The following AGBL4 variants were observed in gnomAD, a reference collection of about 807,000 sequenced individuals.
The protein encoded by AGBL4 is cytosolic carboxypeptidase 6.
In AGBL4, 58 loss-of-function variants were observed where a neutral mutation model predicts 66.4. The observed-to-expected ratio is 0.87, with a 90% CI of 0.71 to 1.09. The LOEUF (loss-of-function observed/expected upper bound fraction) is 1.09, where lower values mean the gene tolerates loss of function less well. Among genes scored for constraint, AGBL4 ranks in the 50% least tolerant of loss-of-function variants. The pLI is 0.00. For synonymous variants in AGBL4, 234 were observed against 222.9 expected, an observed-to-expected ratio of 1.05 and a Z score of -0.44; for missense variants, 579 against 631.0, an observed-to-expected ratio of 0.92 and a Z score of 0.88.
intron 8 of AGBL4, among the ~76,000 whole-genome samples, chr1:48,651,768 T>C (rs965246859): frequency 6.6e-6 from 1 of 152,186 alleles, no homozygotes; most frequent in Non-Finnish European, 1.5e-5. Context: ...ACCAACTCTG[T>C]GTAAAACAAG....
chr1:49,131,261 A>G (rs1645889352), intron 4 of AGBL4, among the ~76,000 whole-genome samples: 2 of 152,138 alleles, frequency 1.3e-5, no homozygotes, highest in Non-Finnish European at 2.9e-5. Flanking sequence ...GACAGAAAAA[A>G]GGCACAAAAG....
At chr1:48,570,853 C>A (rs564578985) in intron 11 of AGBL4, among the ~76,000 whole-genome samples, 3 of 152,252 alleles carry the variant, frequency 2.0e-5, no homozygotes, top group East Asian at 3.9e-4. Context: ...TACAGTCACA[C>A]TTTCTTATGA....
chr1:49,595,825 G>A (rs1252898577), intron 3 of AGBL4, among the ~76,000 whole-genome samples: 1 of 152,110 alleles, frequency 6.6e-6, no homozygotes, highest in Non-Finnish European at 1.5e-5. Flanking sequence ...TCTGTAACAT[G>A]TCACAGTCCT....
intron 3 of AGBL4, among the ~76,000 whole-genome samples, chr1:49,478,077 A>C (rs1646881689): frequency 6.6e-6 from 1 of 151,858 alleles, no homozygotes; most frequent in Admixed American, 6.6e-5. Context: ...GATTTAGAAA[A>C]TATCTTTAAA....
intron 3 of AGBL4, among the ~76,000 whole-genome samples, chr1:49,549,726 CA>C (rs1372839772): frequency 6.6e-6 from 1 of 152,106 alleles, no homozygotes; most frequent in African/African-American, 2.4e-5. Context: ...GAGAAAGTTC[CA>C]TGCACTGTAG....
chr1:49,843,950 T>C (rs1646069418), intron 2 of AGBL4, among the ~76,000 whole-genome samples: 1 of 151,948 alleles, frequency 6.6e-6, no homozygotes, highest in Non-Finnish European at 1.5e-5. Flanking sequence ...AGGAGTGCAT[T>C]TGTTCATTCA....
chr1:49,681,113 G>T (rs534800027), intron 3 of AGBL4, among the ~76,000 whole-genome samples: 1 of 151,934 alleles, frequency 6.6e-6, no homozygotes, highest in East Asian at 1.9e-4. Flanking sequence ...TTTTGCATTT[G>T]TTTTAAATGT....
chr1:49,158,586 C>A (rs941081162), intron 4 of AGBL4, among the ~76,000 whole-genome samples: 3 of 151,932 alleles, frequency 2.0e-5, no homozygotes, highest in African/African-American at 7.3e-5. Context: ...ATTATTTTTG[C>A]CTGGTCAAGA....
chr1:49,412,582 T>C (rs575898644), intron 3 of AGBL4, among the ~76,000 whole-genome samples: 5 of 152,114 alleles, frequency 3.3e-5, no homozygotes, highest in Non-Finnish European at 5.9e-5. Flanking sequence ...TGCTTTTATA[T>C]CACATTCTCC....
chr1:49,845,763 T>G, intron 2 of AGBL4: 1 of 1,582,728 alleles, frequency 6.3e-7, no homozygotes. Context: ...GCAACGAGTG[T>G]GGGAAAACCT....
intron 11 of AGBL4, among the ~76,000 whole-genome samples, chr1:48,557,254 C>T (rs1449987103): frequency 6.6e-6 from 1 of 152,180 alleles, no homozygotes; most frequent in African/African-American, 2.4e-5. Context: ...CAGGTATTTA[C>T]ATTAGCTTCC....
intron 3 of AGBL4, among the ~76,000 whole-genome samples, chr1:49,484,782 C>A (rs889783248): frequency 1.3e-5 from 2 of 151,848 alleles, no homozygotes; most frequent in Non-Finnish European, 2.9e-5. Context: ...AGGATAAAAG[C>A]TTGAGGGGAT....
intron 3 of AGBL4, among the ~76,000 whole-genome samples, chr1:49,556,285 A>C (rs1393792697): frequency 1.3e-5 from 2 of 152,024 alleles, no homozygotes; most frequent in Non-Finnish European, 1.5e-5. Context: ...AAGGACAAAA[A>C]ACCAAACACC....
intron 3 of AGBL4, among the ~76,000 whole-genome samples, chr1:49,275,026 G>T (rs1321357238): frequency 1.3e-5 from 2 of 152,118 alleles, no homozygotes; most frequent in Non-Finnish European, 1.5e-5. Flanking sequence ...TTATTTGTGA[G>T]TATTCTTAAT....
intron 1 of AGBL4, among the ~76,000 whole-genome samples, chr1:49,934,138 A>C (rs1046477554): frequency 6.6e-6 from 1 of 152,220 alleles, no homozygotes; most frequent in Non-Finnish European, 1.5e-5. Flanking sequence ...CAATGTGTAC[A>C]TATGAGAGCT....
intron 3 of AGBL4, among the ~76,000 whole-genome samples, chr1:49,644,860 T>C (rs1315444984): frequency 6.6e-6 from 1 of 151,480 alleles, no homozygotes; most frequent in Non-Finnish European, 1.5e-5. Flanking sequence ...GTAAACTATA[T>C]ACTACTGGAC....
At chr1:49,989,437 A>ACAGC (rs1659760977) in intron 1 of AGBL4, among the ~76,000 whole-genome samples, 1 of 152,210 alleles carries the variant, frequency 6.6e-6, no homozygotes, top group Admixed American at 6.5e-5. Context: ...AGTAGCTTTC[A>ACAGC]CAGCTTAACA....
chr1:48,943,286 T>TA (rs1283288533), intron 5 of AGBL4, among the ~76,000 whole-genome samples: 1 of 152,134 alleles, frequency 6.6e-6, no homozygotes, highest in Non-Finnish European at 1.5e-5. Flanking sequence ...AATAGATTAA[T>TA]AAAAAATGTC....
At chr1:48,965,365 T>C (rs1465316396) in intron 5 of AGBL4, among the ~76,000 whole-genome samples, 1 of 152,056 alleles carries the variant, frequency 6.6e-6, no homozygotes, top group African/African-American at 2.4e-5. Context: ...AAGCTTGAAA[T>C]GTTAAAAAGA....
Sources: allele counts gnomAD v4.1 joint callset (sites outside exome capture counted in the v4.1 genomes callset), GRCh38; gene constraint gnomAD v4.1.1; transcripts MANE v1.5; gene names NCBI Gene and HGNC (gene_info 2026-07-23, HGNC 2026-07-21).